The following RAET1E variants were observed in gnomAD, a reference collection of about 807,000 sequenced individuals.
RAET1E encodes the protein NKG2D ligand 4.
A neutral mutation model predicts 21.1 loss-of-function variants in RAET1E; 27 were observed. The observed-to-expected ratio is 1.28, with a 90% CI of 0.94 to 1.76. RAET1E has a LOEUF of 1.76. Among genes scored for constraint, RAET1E ranks in the 40% most tolerant of loss-of-function variants. The pLI, the probability that RAET1E is intolerant of heterozygous loss-of-function variation, is 0.00. For missense variants in RAET1E, 310 were observed against 311.3 expected, an observed-to-expected ratio of 1.00 and a Z score of 0.03; for synonymous variants, 113 against 115.0, an observed-to-expected ratio of 0.98 and a Z score of 0.11.
In RAET1E at chr6:149,888,432, G is replaced by C. The variant is rs534345886; in HGVS notation, c.*66C>G. ...AGGCAGTGCACCATTTCTGTGGAGA[G>C]AGATGGATCAGGGAGCGGGGGCTTG... On this transcript the variant is annotated 3_prime_UTR_variant, in exon 6 of 6. Coordinates refer to ENST00000357183, the MANE Select transcript of RAET1E (RefSeq NM_001394057.1). 3.2e-4 allele frequency: 496 copies of C among 1,573,180 alleles called. No homozygotes were observed. The highest frequency in any genetic ancestry group is 4.1e-4 in the Non-Finnish European group (476 of 1,154,896).
intron 3 of RAET1E, 77 bp from the exon 4 acceptor site, chr6:149,890,222 C>T: frequency 6.5e-7 from 1 of 1,531,550 alleles, no homozygotes; most frequent in Non-Finnish European, 8.9e-7. Context: ...TGACCCAAGA[C>T]TCCCTGGACT....
At chr6:149,896,540 G>A (rs1400472688) in intron 1 of RAET1E, among the ~76,000 whole-genome samples, 2 of 152,116 alleles carry the variant, frequency 1.3e-5, no homozygotes, top group Non-Finnish European at 2.9e-5. Context: ...ACACATCCAG[G>A]CCCTGAGAGT....
intron 2 of RAET1E, among the ~76,000 whole-genome samples, chr6:149,891,623 A>G (rs1029601164): frequency 2.0e-4 from 30 of 152,162 alleles, no homozygotes; most frequent in African/African-American, 6.3e-4. Flanking sequence ...ACAGTGGCTC[A>G]TGCCTATAAT....
At position 149,884,564 on chromosome 6, in the gene RAET1E, C is replaced by T; in HGVS notation, c.*3934G>A. On this transcript the variant is annotated 3_prime_UTR_variant, in exon 6 of 6. Transcript: ENST00000357183. ...GGTCAGATCAGCTCAGGATTGACCCCTCCGTGATCTCTCAGGACTCAGATC... is the reference window on the plus strand; with the variant it reads ...GGTCAGATCAGCTCAGGATTGACCCTTCCGTGATCTCTCAGGACTCAGATC... The T allele has an allele frequency of 6.9e-7, 1 of 1,449,506 alleles. No homozygotes were observed. Among genetic ancestry groups the T allele is most frequent in the South Asian group, 1.2e-5 (1 of 82,192 alleles). The allele number at this position is 1,449,506 out of a possible 1,614,324, so 89.8% of individuals were successfully genotyped here. A position where few individuals can be genotyped will look rare whatever the true frequency, so the allele number is the denominator to read the frequency against.
intron 3 of RAET1E, 38 bp downstream of exon 3, chr6:149,890,779 C>T: frequency 4.8e-6 from 7 of 1,463,712 alleles, no homozygotes; most frequent in Non-Finnish European, 6.7e-6. Context: ...TCTCCCTCCT[C>T]CTTGTCCTCA....
rs938404479 is a variant in RAET1E at position 149,884,761 on chromosome 6, G to C, written c.*3737C>G. On this transcript the variant is annotated 3_prime_UTR_variant, in exon 6 of 6. Transcript: ENST00000357183. ...GCAAAGTATCAGTGGGAACACAGTG[G>C]GAAGGCCCACAGCGGGGGCAAGAGT... Among the ~76,000 whole-genome samples the C allele has an allele frequency of 6.6e-5, 10 of 152,216 alleles. No individual in the cohort carries two copies. The highest frequency in any genetic ancestry group is 2.2e-4 in the African/African-American group (9 of 41,444).
intron 2 of RAET1E, chr6:149,895,570 AC>A (rs1184654689): frequency 6.6e-6 from 1 of 152,254 alleles, no homozygotes; most frequent in African/African-American, 2.4e-5. Context: ...CAGCAGTCCT[AC>A]TGGGGCCAAG....
chr6:149,890,885 A>C lies in RAET1E; in HGVS notation c.17T>G (p.Leu6Arg), dbSNP rs772235321. 9.9e-6 allele frequency: 16 copies of C among 1,612,684 alleles called. No individual in the cohort carries two copies. Among genetic ancestry groups the C allele is most frequent in the Non-Finnish European group, 1.4e-5 (16 of 1,178,810 alleles). ...AAGAAGGCGCACAGGGCTAGAAGTC[A>C]GGGATATTCTTCGCATACTGTGGAG... is the stretch of plus-strand genomic sequence containing the variant. The part of the protein sequence containing the change: MRRIS[L>R]TSSPVRLLLF... The change falls in exon 3 of 6, where the codon CTG becomes CGG. Residue 6 changes from leucine (L) to arginine (R), a missense_variant. Leu to Arg is a moderately radical substitution (Grantham distance 102). Coordinates refer to ENST00000357183, the MANE Select transcript of RAET1E (RefSeq NM_001394057.1).
chr6:149,891,552 A>G (rs1383825069), intron 2 of RAET1E, among the ~76,000 whole-genome samples: 3 of 151,834 alleles, frequency 2.0e-5, no homozygotes, highest in Non-Finnish European at 4.4e-5. Context: ...CAGAGTGTCT[A>G]CTACATGTAT....
Position 149,889,902 on chromosome 6 carries a change from G to C in RAET1E, c.329C>G (p.Pro110Arg). The C allele has an allele frequency of 6.2e-7, 1 of 1,613,656 alleles. No homozygotes were observed. The highest frequency in any genetic ancestry group is 8.5e-7 in the Non-Finnish European group (1 of 1,179,742). ...DLRMLLCDIK[P>R]QIKTSDPSTL... The stretch of plus-strand genomic sequence containing the variant: ...ACACTTACCACTGGTCTTTATCTGG[G>C]GTTTGATGTCACAAAGGAGCATCCT... Residue 110 changes from proline to arginine, a missense_variant, in exon 4 of 6, where the codon CCC becomes CGC. Pro to Arg is a moderately radical substitution (Grantham distance 103). Transcript: ENST00000357183.
rs1189831874 is a variant in RAET1E at position 149,886,176 on chromosome 6, TG to T, written c.*2321del. 4.6e-5 allele frequency among the ~76,000 whole-genome samples: 7 copies of T among 152,260 alleles called. No homozygotes were observed. The highest frequency in any genetic ancestry group is 1.7e-4 in the African/African-American group (7 of 41,474). On this transcript the variant is annotated 3_prime_UTR_variant, in exon 6 of 6. Coordinates refer to ENST00000357183, the MANE Select transcript of RAET1E (RefSeq NM_001394057.1). ...TTTCTTATCTGTGTCTGATAGATTT[TG>T]ATATTTTGTATTATCATTTTCATTC...
chr6:149,891,158 C>G, intron 2 of RAET1E, 124 bp from the exon 3 acceptor site: 2 of 355,940 alleles, frequency 5.6e-6, no homozygotes, highest in East Asian at 1.3e-4. Context: ...AATAAACTCT[C>G]TCTCCTCTCC....
chr6:149,897,352 G>A (rs1483068690), intron 1 of RAET1E, among the ~76,000 whole-genome samples: 5 of 152,182 alleles, frequency 3.3e-5, no homozygotes, highest in Non-Finnish European at 5.9e-5. Flanking sequence ...AATTTTAATT[G>A]AAGTAAGAAG....
chr6:149,888,713 T>TA (rs5880858), intron 5 of RAET1E, 46 bp from the exon 6 acceptor site: 3,674 of 1,276,534 alleles, frequency 2.9e-3, no homozygotes, highest in Middle Eastern at 5.4e-3. Context: ...CCCTGTCACA[T>TA]AAAAAAAAAA....
chr6:149,888,692 A>G (rs2342768), intron 5 of RAET1E, 25 bp from the exon 6 acceptor site: 577,745 of 1,450,434 alleles, frequency 0.4, 126,662 homozygotes, highest in East Asian at 0.85. Flanking sequence ...AAAAAGAAAA[A>G]AAAGCACAAG....
intron 2 of RAET1E, among the ~76,000 whole-genome samples, chr6:149,895,060 C>T (rs1562469519): frequency 6.6e-6 from 1 of 152,122 alleles, no homozygotes; most frequent in African/African-American, 2.4e-5. Context: ...CACTCCCAAC[C>T]CTGTTTACCT....
At position 149,885,929 on chromosome 6, in the gene RAET1E, G is replaced by A. The variant is rs1777589536; in HGVS notation, c.*2569C>T. ...AAAACAATGTGATAATTTTTCTGTG[G>A]TCAGAGTTTCTGAGCTACGAGTGGG... On this transcript the variant is annotated 3_prime_UTR_variant, in exon 6 of 6. Transcript: ENST00000357183. Among the ~76,000 whole-genome samples, 2 of 152,200 alleles carry A rather than the reference G, an allele frequency of 1.3e-5. No individual in the cohort carries two copies. The highest frequency in any genetic ancestry group is 1.3e-4 in the Admixed American group (2 of 15,284).
chr6:149,895,049 C>T (rs558486750), intron 2 of RAET1E, among the ~76,000 whole-genome samples: 1 of 152,302 alleles, frequency 6.6e-6, no homozygotes, highest in African/African-American at 2.4e-5. Flanking sequence ...TGCCGGTGGT[C>T]CACTCCCAAC....
In RAET1E at chr6:149,888,669, TAAAAAAAAAAAAA is replaced by T; in HGVS notation, c.623-15_623-3del. On this transcript the variant is annotated splice_polypyrimidine_tract_variant and splice_region_variant and intron_variant, in intron 5 of 5. Transcript: ENST00000357183. ...TATCTGAAGCATTTACTGGTGACAC[TAAAAAAAAAAAAA>T]AAAAGAAAAAAAAGCACAAGCCCTG... The T allele has an allele frequency of 7.5e-7, 1 of 1,336,472 alleles. No individual in the cohort carries two copies. Among genetic ancestry groups the T allele is most frequent in the Non-Finnish European group, 9.5e-7 (1 of 1,052,192 alleles). 82.8% of individuals were successfully genotyped at this position (1,336,472 alleles called of 1,614,324 possible). A position where few individuals can be genotyped will look rare whatever the true frequency, so the allele number is the denominator to read the frequency against.
Sources: gnomAD v4.1 joint callset for allele counts (sites outside exome capture counted in the v4.1 genomes callset) on GRCh38, gnomAD v4.1.1 for gene constraint, MANE v1.5 for transcripts, NCBI Gene and HGNC (gene_info 2026-07-23, HGNC 2026-07-21) for gene names.